CDON: variants seen among roughly 807,000 people sequenced by gnomAD.
CDON encodes cell adhesion molecule-related/down-regulated by oncogenes.
CDON carries 73 observed loss-of-function variants against 120.9 expected under a neutral mutation model. The ratio of observed to expected loss-of-function variants is 0.60; its 90% CI spans 0.50 to 0.73. CDON has a LOEUF of 0.73. CDON is among the 30% of genes least tolerant of loss of function. The pLI is 0.00. For synonymous variants in CDON, 566 were observed against 573.5 expected (o/e 0.99, Z 0.19); for missense variants, 1,470 against 1,587.3 (o/e 0.93, Z 1.26).
intron 18 of CDON, among the ~76,000 whole-genome samples, chr11:125,977,362 T>C (rs755819134): frequency 1.8e-4 from 27 of 152,220 alleles, no homozygotes; most frequent in Non-Finnish European, 3.7e-4. Context: ...ATTTGATGGT[T>C]GGCCTGATCC....
At chr11:125,996,426 C>T (rs184542561) in intron 12 of CDON, among the ~76,000 whole-genome samples, 7 of 152,164 alleles carry the variant, frequency 4.6e-5, no homozygotes, top group Admixed American at 6.5e-5. Flanking sequence ...CACGATCCTG[C>T]GGTGGCTCAC....
At chr11:126,052,879 GC>G (rs1948599539) in intron 1 of CDON, among the ~76,000 whole-genome samples, 1 of 151,538 alleles carries the variant, frequency 6.6e-6, no homozygotes, top group Non-Finnish European at 1.5e-5. Context: ...TATTTACATA[GC>G]ATTTAAATTG....
At chr11:126,051,947 C>G (rs909181093) in intron 1 of CDON, among the ~76,000 whole-genome samples, 8 of 152,114 alleles carry the variant, frequency 5.3e-5, no homozygotes, top group Non-Finnish European at 1.0e-4. Flanking sequence ...CCGCACCTGG[C>G]CAACAATAGC....
chr11:125,968,170 GA>G (rs1280400786), intron 18 of CDON, among the ~76,000 whole-genome samples: 1 of 152,162 alleles, frequency 6.6e-6, no homozygotes, highest in Non-Finnish European at 1.5e-5. Context: ...CAAAATATTA[GA>G]AATTAATAAC....
chr11:125,973,017 T>TA, intron 18 of CDON, among the ~76,000 whole-genome samples: 1 of 112,048 alleles, frequency 8.9e-6, no homozygotes, highest in East Asian at 2.8e-4. Flanking sequence ...AATTACTTGG[T>TA]CTTTTTTTTT....
chr11:126,055,144 G>T (rs1247197747), intron 1 of CDON, among the ~76,000 whole-genome samples: 3 of 152,142 alleles, frequency 2.0e-5, no homozygotes, highest in African/African-American at 7.2e-5. Context: ...TCTGGAAGGG[G>T]GCAAACCAAA....
At chr11:126,040,101 A>G (rs113827689) in intron 1 of CDON, among the ~76,000 whole-genome samples, 11 of 152,296 alleles carry the variant, frequency 7.2e-5, no homozygotes, top group African/African-American at 2.4e-4. Flanking sequence ...AAATAAATAA[A>G]TAAGTAAAAG....
At chr11:125,994,835 A>G in intron 13 of CDON, 36 bp downstream of exon 13, 1 of 1,583,928 alleles carries the variant, frequency 6.3e-7, no homozygotes. Context: ...AACATGACCA[A>G]ACCACAAAAT....
At position 125,984,015 on chromosome 11, in the gene CDON, T is replaced by C. The variant is rs1946389212; in HGVS notation, c.2852A>G (p.Asn951Ser). The C allele has an allele frequency of 1.9e-6, 3 of 1,613,978 alleles. No homozygotes were observed. Among genetic ancestry groups the C allele is most frequent in the Non-Finnish European group, 2.5e-6 (3 of 1,180,006 alleles). ...TPPNSLGSGG[N>S]VGPATSPARS... ...GGCAGGGCTGGTTGCAGGCCCCACA[T>C]TTCCTCCACTTCCCAAAGAATTTGG... Residue 951 changes from asparagine to serine, a missense_variant, in exon 16 of 20, where the codon AAT becomes AGT. Transcript: ENST00000531738.
intron 7 of CDON, among the ~76,000 whole-genome samples, chr11:126,012,265 A>G (rs1050605750): frequency 1.1e-4 from 16 of 152,330 alleles, no homozygotes; most frequent in South Asian, 2.1e-4. Flanking sequence ...AGATAACTAT[A>G]TAATACTGAA....
chr11:125,968,876 T>A (rs1443328430), intron 18 of CDON, among the ~76,000 whole-genome samples: 2 of 152,272 alleles, frequency 1.3e-5, no homozygotes, highest in African/African-American at 4.8e-5. Flanking sequence ...TGTCTACATG[T>A]GTCAGCATAA....
upstream of CDON, chr11:126,063,210 G>A (rs1045455174): frequency 6.6e-6 from 1 of 152,260 alleles, no homozygotes; most frequent in Non-Finnish European, 1.5e-5. Context: ...GGACAGGTAA[G>A]GGTGAGTTGC....
intron 9 of CDON, among the ~76,000 whole-genome samples, chr11:126,005,128 C>T (rs1947073856): frequency 6.6e-6 from 1 of 151,994 alleles, no homozygotes. Context: ...GGCAAAACCC[C>T]ATCTCTACTA....
chr11:126,051,197 A>T (rs1048970907), intron 1 of CDON, among the ~76,000 whole-genome samples: 1 of 152,148 alleles, frequency 6.6e-6, no homozygotes, highest in South Asian at 2.1e-4. Context: ...ACAATGAATT[A>T]AGTGTCCTGT....
chr11:125,972,209 T>C (rs1384131214), intron 18 of CDON, among the ~76,000 whole-genome samples: 3 of 152,006 alleles, frequency 2.0e-5, no homozygotes, highest in Non-Finnish European at 4.4e-5. Context: ...GCAGATCACA[T>C]GAGGCCAGGA....
In CDON at chr11:126,037,236, G is replaced by A. The variant is rs551921489; in HGVS notation, c.-61-13699C>T. Among the ~76,000 whole-genome samples the A allele has an allele frequency of 1.4e-4, 22 of 152,088 alleles. 1 individual carries two copies. Among genetic ancestry groups the A allele is most frequent in the African/African-American group, 5.1e-4 (21 of 41,502 alleles). On this transcript the variant is annotated intron_variant, in intron 1 of 19. Coordinates refer to ENST00000531738, the MANE Select transcript of CDON (RefSeq NM_001378964.1). ...CCCACCTCAGCCTCCCGAGTAGCTG[G>A]ACCACAGGTGTGCACCACCATGCTC... is the stretch of plus-strand genomic sequence containing the variant.
chr11:125,956,990 T>C lies in CDON; in HGVS notation c.*3952A>G. The C allele has an allele frequency of 2.5e-6, 1 of 396,810 alleles. No homozygotes were observed. The highest frequency in any genetic ancestry group is 3.4e-6 in the Non-Finnish European group (1 of 292,298). 24.6% of individuals were successfully genotyped at this position (396,810 alleles called of 1,614,324 possible). A position where few individuals can be genotyped will look rare whatever the true frequency, so the allele number is the denominator to read the frequency against. ...TGCTGGCTTTCTGGTCAGACAAGCC[T>C]AGAGATGTGTATTTTCTTAGGGCAG... On this transcript the variant is annotated 3_prime_UTR_variant, in exon 20 of 20. Coordinates refer to ENST00000531738, the MANE Select transcript of CDON (RefSeq NM_001378964.1).
chr11:126,061,794 C>T (rs1474544356), intron 1 of CDON, among the ~76,000 whole-genome samples: 2 of 152,326 alleles, frequency 1.3e-5, no homozygotes, highest in East Asian at 3.9e-4. Flanking sequence ...AGCAGTCTGC[C>T]CTTAAAGCAC....
intron 1 of CDON, among the ~76,000 whole-genome samples, chr11:126,061,895 G>A (rs1948805963): frequency 6.6e-6 from 1 of 152,144 alleles, no homozygotes; most frequent in South Asian, 2.1e-4. Context: ...GTGGGGTTAG[G>A]GAGAACAATG....
Sources: allele counts gnomAD v4.1 joint callset (sites outside exome capture counted in the v4.1 genomes callset), GRCh38; gene constraint gnomAD v4.1.1; transcripts MANE v1.5; gene names NCBI Gene and HGNC (gene_info 2026-07-23, HGNC 2026-07-21).